The following FAM120B variants were observed in gnomAD, a reference collection of about 807,000 sequenced individuals.
The protein encoded by FAM120B is constitutive coactivator of peroxisome proliferator-activated receptor gamma.
In FAM120B, 83 loss-of-function variants were observed where a neutral mutation model predicts 96.3. The observed-to-expected ratio is 0.86, with a 90% CI of 0.72 to 1.03. The LOEUF is 1.03. Among genes scored for constraint, FAM120B ranks in the 50% least tolerant of loss-of-function variants. FAM120B has a pLI of 0.00. For missense variants in FAM120B, 1,027 were observed against 1,121.2 expected (o/e 0.92, Z 1.20); for synonymous variants, 407 against 402.7 (o/e 1.01, Z -0.13).
At position 170,318,039 on chromosome 6, in the gene FAM120B, C is replaced by G; in HGVS notation, c.649C>G (p.Leu217Val). The change falls in exon 2 of 11, where the codon CTC becomes GTC. Residue 217 changes from leucine to valine, a missense_variant. By Grantham distance (32) the Leu-to-Val change is conservative. Coordinates refer to ENST00000476287, the MANE Select transcript of FAM120B (RefSeq NM_032448.3). ...CREKLCESLG[L>V]CVADLPLLAC... is the part of the protein sequence containing the mutation. ...AGAGAAGCTCTGTGAGAGTCTGGGCCTCTGTGTGGCCGACCTTCCTCTTCT... is the reference window on the plus strand; with the variant it reads ...AGAGAAGCTCTGTGAGAGTCTGGGCGTCTGTGTGGCCGACCTTCCTCTTCT... 2 of 1,614,126 alleles carry G rather than the reference C, an allele frequency of 1.2e-6. No homozygotes were observed. Among genetic ancestry groups the G allele is most frequent in the Non-Finnish European group, 1.7e-6 (2 of 1,180,008 alleles).
intron 3 of FAM120B, among the ~76,000 whole-genome samples, chr6:170,325,886 C>G (rs550962531): frequency 6.6e-6 from 1 of 150,856 alleles, no homozygotes; most frequent in East Asian, 1.9e-4. Context: ...ATCTGGGGGT[C>G]TGTTAGATTG....
In FAM120B at chr6:170,378,116, C is replaced by T. The variant is rs189124058; in HGVS notation, c.2284-10171C>T. 1.3e-3 allele frequency among the ~76,000 whole-genome samples: 191 copies of T among 152,328 alleles called. 3 individuals are homozygous for T. The highest frequency in any genetic ancestry group is 0.011 in the Admixed American group (173 of 15,300). On this transcript the variant is annotated intron_variant, in intron 6 of 10. Transcript: ENST00000476287. The stretch of plus-strand genomic sequence containing the variant: ...CCTGATAGAGTTGCCATAAAATGCT[C>T]ATTTCTGTCTGTGGAATTTTCCTTG...
In FAM120B at chr6:170,370,404, G is replaced by T. The variant is rs965346191; in HGVS notation, c.2283+12086G>T. Among the ~76,000 whole-genome samples, 2 of 152,204 alleles carry T rather than the reference G, an allele frequency of 1.3e-5. No individual in the cohort carries two copies. Among genetic ancestry groups the T allele is most frequent in the Non-Finnish European group, 1.5e-5 (1 of 68,034 alleles). ...GGGTCCATCACCCTTCCTCTGGGGG[G>T]TGAGGCAGAGGACCCTGTTTCTGTA... On this transcript the variant is annotated intron_variant, in intron 6 of 10. Transcript: ENST00000476287. The surrounding 1 kb of genome is among the most constrained non-coding windows in gnomAD (Gnocchi z 4.3).
At chr6:170,339,904 C>T (rs1220601035) in intron 4 of FAM120B, among the ~76,000 whole-genome samples, 1 of 151,998 alleles carries the variant, frequency 6.6e-6, no homozygotes, top group African/African-American at 2.4e-5. Context: ...TGACCTTTCT[C>T]TCTGGCTGCC....
chr6:170,396,213 T>TAAACTAAACACA (rs1483698407), intron 9 of FAM120B, among the ~76,000 whole-genome samples: 1 of 152,214 alleles, frequency 6.6e-6, no homozygotes, highest in African/African-American at 2.4e-5. Context: ...TATCTGTGAC[T>TAAACTAAACACA]TTCACAACGT....
intron 1 of FAM120B, among the ~76,000 whole-genome samples, chr6:170,309,076 A>G (rs1784449551): frequency 1.3e-5 from 2 of 152,254 alleles, no homozygotes; most frequent in African/African-American, 4.8e-5. Flanking sequence ...TCATAAAAGC[A>G]ACTCTTAACT....
intron 8 of FAM120B, among the ~76,000 whole-genome samples, chr6:170,393,511 A>C (rs1160632965): frequency 6.6e-6 from 1 of 152,234 alleles, no homozygotes; most frequent in Non-Finnish European, 1.5e-5. Context: ...CAAGTTAATG[A>C]GGCAAACTAC....
intron 4 of FAM120B, among the ~76,000 whole-genome samples, chr6:170,337,559 A>G (rs1484328297): frequency 6.6e-6 from 1 of 152,168 alleles, no homozygotes; most frequent in East Asian, 1.9e-4. Context: ...TGAGTTAGGG[A>G]AAAGTCCCTT....
chr6:170,336,236 G>A (rs1388522251), intron 4 of FAM120B, among the ~76,000 whole-genome samples: 1 of 152,142 alleles, frequency 6.6e-6, no homozygotes, highest in Non-Finnish European at 1.5e-5. Context: ...AAGGTATAAG[G>A]AAGGGGTCCA....
chr6:170,377,304 T>C (rs36027997), intron 6 of FAM120B, among the ~76,000 whole-genome samples: 624 of 53,950 alleles, frequency 0.012, 32 homozygotes, highest in African/African-American at 0.013. Context: ...TAATCCCAGA[T>C]GCCCGGGAGA....
chr6:170,351,285 T>C (rs1047446109), intron 5 of FAM120B, among the ~76,000 whole-genome samples: 8 of 152,036 alleles, frequency 5.3e-5, no homozygotes, highest in African/African-American at 1.9e-4. Flanking sequence ...CTCCAAGAAG[T>C]ATGAGATTAT....
upstream of FAM120B, among the ~76,000 whole-genome samples, chr6:170,305,479 AC>A (rs1403190305): frequency 2.0e-5 from 3 of 152,234 alleles, no homozygotes; most frequent in African/African-American, 7.2e-5. Context: ...TTTTCTGAGT[AC>A]CTGATCAAGT....
intron 8 of FAM120B, among the ~76,000 whole-genome samples, chr6:170,393,036 G>A (rs1005757710): frequency 1.1e-4 from 16 of 152,094 alleles, no homozygotes; most frequent in Admixed American, 5.9e-4. Context: ...AGTTTGCGCC[G>A]TGGCTGGGCA....
intron 8 of FAM120B, 35 bp from the exon 9 acceptor site, chr6:170,395,452 C>G: frequency 6.6e-7 from 1 of 1,516,692 alleles, no homozygotes; most frequent in Non-Finnish European, 9.0e-7. Flanking sequence ...AGACATTTGA[C>G]AACTTACTAA....
intron 3 of FAM120B, among the ~76,000 whole-genome samples, chr6:170,327,881 C>A (rs940051337): frequency 2.8e-4 from 42 of 150,960 alleles, no homozygotes; most frequent in African/African-American, 1.0e-3. Flanking sequence ...CAGGACATGA[C>A]CGTGTTGCTG....
At chr6:170,362,170 G>A (rs1181331003) in intron 6 of FAM120B, among the ~76,000 whole-genome samples, 11 of 152,226 alleles carry the variant, frequency 7.2e-5, no homozygotes, top group African/African-American at 2.4e-4. Flanking sequence ...AAATTGTGAG[G>A]TCTCCCTCTT....
At chr6:170,366,164 T>C (rs1788782177) in intron 6 of FAM120B, among the ~76,000 whole-genome samples, 1 of 152,150 alleles carries the variant, frequency 6.6e-6, no homozygotes, top group Non-Finnish European at 1.5e-5. Flanking sequence ...CTGCAGCTGT[T>C]GGGAGGTGGC....
intron 7 of FAM120B, among the ~76,000 whole-genome samples, chr6:170,389,195 G>A (rs898853204): frequency 2.0e-5 from 3 of 152,256 alleles, no homozygotes; most frequent in Admixed American, 2.0e-4. Flanking sequence ...ATATCTTGGG[G>A]CTGAGACCCA....
intron 4 of FAM120B, among the ~76,000 whole-genome samples, chr6:170,347,740 T>G (rs1024561423): frequency 6.6e-6 from 1 of 152,180 alleles, no homozygotes; most frequent in Non-Finnish European, 1.5e-5. Context: ...CATGAAAGGT[T>G]GAAAACCATT....
Sources: allele counts gnomAD v4.1 joint callset (sites outside exome capture counted in the v4.1 genomes callset), GRCh38; gene constraint gnomAD v4.1.1; non-coding constraint Gnocchi (gnomAD v3.1); transcripts MANE v1.5; gene names NCBI Gene and HGNC (gene_info 2026-07-23, HGNC 2026-07-21).